Variants in HDHD2 observed in about 807,000 individuals in gnomAD.
The protein encoded by HDHD2 is haloacid dehalogenase like hydrolase domain containing 2.
A neutral mutation model predicts 24.8 loss-of-function variants in HDHD2; 26 were observed. The observed-to-expected ratio is 1.05, with a 90% confidence interval of 0.77 to 1.45. The LOEUF (loss-of-function observed/expected upper bound fraction) is 1.45, where lower values mean the gene tolerates loss of function less well. Ranked by LOEUF, HDHD2 falls within the 40% of genes most tolerant of loss-of-function variation. HDHD2 has a pLI of 0.00. For synonymous variants in HDHD2, 128 were observed against 114.9 expected (o/e 1.11, Z -0.73); for missense variants, 299 against 313.4 (o/e 0.95, Z 0.35).
intron 4 of HDHD2, among the ~76,000 whole-genome samples, chr18:47,126,742 T>A (rs1325759794): frequency 1.3e-5 from 2 of 152,108 alleles, no homozygotes; most frequent in African/African-American, 2.4e-5. Flanking sequence ...GCTAAGTAAT[T>A]CCATGTAGTT....
chr18:47,143,086 T>C (rs993660858), intron 1 of HDHD2, among the ~76,000 whole-genome samples: 1 of 152,188 alleles, frequency 6.6e-6, no homozygotes, highest in Non-Finnish European at 1.5e-5. Context: ...TAAAATTAGA[T>C]ATACAACAGG....
rs1384968699 is a variant in HDHD2 at position 47,115,236 on chromosome 18, T to C, written c.508A>G (p.Thr170Ala). Residue 170 changes from threonine (T) to alanine (A), a missense_variant, in exon 5 of 7, where the codon ACA becomes GCA. Transcript: ENST00000300605. The stretch of plus-strand genomic sequence containing the variant: ...CCCACGACTGTGGCTTTGGTATCTG[T>C]GGCATACTCTAAAGCAGTCACAAAT... ...GPFVTALEYATDTKATVVGKP... is the reference protein window; with the variant it reads ...GPFVTALEYAADTKATVVGKP... The C allele has an allele frequency of 6.2e-7, 1 of 1,613,902 alleles. No homozygotes were observed. The highest frequency in any genetic ancestry group is 1.3e-5 in the African/African-American group (1 of 74,928).
At chr18:47,142,497 C>T (rs912099246) in intron 1 of HDHD2, among the ~76,000 whole-genome samples, 1 of 152,086 alleles carries the variant, frequency 6.6e-6, no homozygotes, top group Non-Finnish European at 1.5e-5. Context: ...CCCTTAATTC[C>T]ACTTACAGAG....
At chr18:47,134,917 T>C (rs1275641901) in intron 2 of HDHD2, among the ~76,000 whole-genome samples, 4 of 152,232 alleles carry the variant, frequency 2.6e-5, no homozygotes, top group Non-Finnish European at 5.9e-5. Flanking sequence ...TCTTTCAATC[T>C]ACAGTAGAAA....
At chr18:47,133,252 T>C (rs1012881598) in intron 3 of HDHD2, among the ~76,000 whole-genome samples, 2 of 151,964 alleles carry the variant, frequency 1.3e-5, no homozygotes, top group African/African-American at 4.8e-5. Flanking sequence ...AGTGTTTGGT[T>C]TTCTGTCCTT....
intron 1 of HDHD2, among the ~76,000 whole-genome samples, chr18:47,141,601 A>T (rs749410886): frequency 6.6e-6 from 1 of 152,218 alleles, no homozygotes; most frequent in Non-Finnish European, 1.5e-5. Context: ...ATGGGCTCAC[A>T]GATATTTATT....
chr18:47,109,941 T>C (rs908272734), intron 6 of HDHD2: 2 of 980,906 alleles, frequency 2.0e-6, no homozygotes, highest in East Asian at 1.1e-4. Flanking sequence ...ATCCTATAAA[T>C]ATCTTTTTAA....
chr18:47,147,796 T>C (rs77348110), intron 1 of HDHD2, among the ~76,000 whole-genome samples: 8,197 of 152,214 alleles, frequency 0.054, 279 homozygotes, highest in East Asian at 0.13. Flanking sequence ...ACCAGTTCCA[T>C]AGAACGTACC....
At chr18:47,134,918 A>G (rs2079752355) in intron 2 of HDHD2, among the ~76,000 whole-genome samples, 1 of 152,240 alleles carries the variant, frequency 6.6e-6, no homozygotes, top group Non-Finnish European at 1.5e-5. Context: ...CTTTCAATCT[A>G]CAGTAGAAAG....
Position 47,108,633 on chromosome 18 carries a change from C to T in HDHD2, c.*49G>A. 9.9e-7 allele frequency: 1 copy of T among 1,009,916 alleles called. No homozygotes were observed. The highest frequency in any genetic ancestry group is 1.5e-6 in the Non-Finnish European group (1 of 650,014). The allele number at this position is 1,009,916 out of a possible 1,614,324, so 62.6% of individuals were successfully genotyped here. A position where few individuals can be genotyped will look rare whatever the true frequency, so the allele number is the denominator to read the frequency against. On this transcript the variant is annotated 3_prime_UTR_variant, in exon 7 of 7. Coordinates refer to ENST00000300605, the MANE Select transcript of HDHD2 (RefSeq NM_032124.5). ...CACTGAGTTGGTAAGGGATTCATTC[C>T]AGACAATAAGAAGCTGCATTTCAAG...
chr18:47,135,325 G>T (rs947874417), intron 2 of HDHD2, among the ~76,000 whole-genome samples: 5 of 145,652 alleles, frequency 3.4e-5, no homozygotes, highest in African/African-American at 1.3e-4. Flanking sequence ...GCAATGGCAC[G>T]ATCTCAGCGC....
At position 47,108,776 on chromosome 18, in the gene HDHD2, C is replaced by T. The variant is rs779950772; in HGVS notation, c.686G>A (p.Arg229Gln). Residue 229 changes from arginine (R) to glutamine (Q), a missense_variant, in exon 7 of 7, where the codon CGA becomes CAA. Physicochemically the swap from Arg to Gln is conservative, Grantham distance 43 (BLOSUM62 1). Coordinates refer to ENST00000300605, the MANE Select transcript of HDHD2 (RefSeq NM_032124.5). ...LGILVKTGKY[R>Q]ASDEEKINPP... ...ATTAATTTTTTCTTCATCTGATGCT[C>T]GATATTTCCCTGAAATGAAAGTAAA... 11 of 1,597,960 alleles carry T rather than the reference C, an allele frequency of 6.9e-6. No homozygotes were observed. Among genetic ancestry groups the T allele is most frequent in the South Asian group, 4.4e-5 (4 of 90,402 alleles).
chr18:47,132,117 C>T (rs2063718905), intron 3 of HDHD2, among the ~76,000 whole-genome samples: 2 of 152,144 alleles, frequency 1.3e-5, no homozygotes, highest in Non-Finnish European at 2.9e-5. Context: ...ATTTATCCTT[C>T]TTTGGCTTCT....
At chr18:47,126,517 C>T (rs1332448836) in intron 4 of HDHD2, among the ~76,000 whole-genome samples, 1 of 152,008 alleles carries the variant, frequency 6.6e-6, no homozygotes, top group African/African-American at 2.4e-5. Flanking sequence ...ATCTCTAAGA[C>T]TTTTGGAGGA....
intron 6 of HDHD2, chr18:47,111,569 C>T (rs2063516506): frequency 3.0e-6 from 3 of 985,256 alleles, no homozygotes; most frequent in East Asian, 1.1e-4. Context: ...TTTCTGCTTA[C>T]ATCACAGGGC....
intron 5 of HDHD2, 77 bp downstream of exon 5, chr18:47,115,055 C>A (rs1287294730): frequency 6.1e-6 from 6 of 985,436 alleles, no homozygotes; most frequent in African/African-American, 4.8e-5. Context: ...TGTCCCCTTT[C>A]CTAAAGCAGT....
In HDHD2 at chr18:47,107,858, G is replaced by T. The variant is rs943541484; in HGVS notation, c.*824C>A. 1 of 152,516 alleles carries T rather than the reference G, an allele frequency of 6.6e-6. No homozygotes were observed. Among genetic ancestry groups the T allele is most frequent in the African/African-American group, 2.4e-5 (1 of 41,408 alleles). 9.4% of individuals were successfully genotyped at this position (152,516 alleles called of 1,614,324 possible). On this transcript the variant is annotated 3_prime_UTR_variant, in exon 7 of 7. Coordinates refer to ENST00000300605, the MANE Select transcript of HDHD2 (RefSeq NM_032124.5). Reference sequence around the variant, plus strand: ...GTGGACACTAACTTCAAAAATGCATGGTCTATAAGATATTATAAGGCTTGA... The same window carrying T: ...GTGGACACTAACTTCAAAAATGCATTGTCTATAAGATATTATAAGGCTTGA...
chr18:47,134,002 T>A (rs1008459119), intron 3 of HDHD2, among the ~76,000 whole-genome samples: 4 of 152,258 alleles, frequency 2.6e-5, no homozygotes, highest in Non-Finnish European at 5.9e-5. Flanking sequence ...TTGTCAATTT[T>A]GGCTTTTGCT....
intron 5 of HDHD2, among the ~76,000 whole-genome samples, chr18:47,114,147 T>A (rs1467986056): frequency 6.6e-6 from 1 of 152,220 alleles, no homozygotes; most frequent in Non-Finnish European, 1.5e-5. Flanking sequence ...GGAACAGGTG[T>A]GACTCAAAAG....
Sources: gnomAD v4.1 joint callset for allele counts (sites outside exome capture counted in the v4.1 genomes callset) on GRCh38, gnomAD v4.1.1 for gene constraint, MANE v1.5 for transcripts, NCBI Gene and HGNC (gene_info 2026-07-23, HGNC 2026-07-21) for gene names.